The following WNK1 variants were observed in gnomAD, a reference collection of about 807,000 sequenced individuals.
The protein encoded by WNK1 is serine/threonine-protein kinase WNK1.
A neutral mutation model predicts 222.8 loss-of-function variants in WNK1; 38 were observed. The observed-to-expected ratio is 0.17, with a 90% CI of 0.13 to 0.22. The LOEUF (loss-of-function observed/expected upper bound fraction) is 0.22. WNK1 is among the 10% of genes least tolerant of loss of function. The probability of loss-of-function intolerance (pLI) is 1.00; values close to 1 mark genes in which losing one functional copy is unlikely to be tolerated. For synonymous variants in WNK1, 1,090 were observed against 1,092.9 expected (o/e 1.00, Z 0.05); for missense variants, 2,348 against 2,918.4 (o/e 0.80, Z 4.50).
chr12:883,349 T>C lies in WNK1; in HGVS notation c.3490-46T>C, dbSNP rs1412959126. 1.5e-5 allele frequency: 24 copies of C among 1,604,740 alleles called. No homozygotes were observed. In the Admixed American group the frequency reaches 3.7e-4, roughly 25 times the overall value. ...CAGAAGTCATAAAAGTGACATAAAG[T>C]TTGAGAAATGACACTAATTAGACTG... On this transcript the variant is annotated intron_variant, in intron 15 of 27. Transcript: ENST00000315939.
In WNK1 at chr12:805,341, T is replaced by C. The variant is rs193243375; in HGVS notation, c.760-8301T>C. Among the ~76,000 whole-genome samples the C allele has an allele frequency of 2.6e-5, 4 of 152,288 alleles. No homozygotes were observed. The East Asian group carries it at 7.7e-4, about 29-fold the overall frequency. ...AGGGGCGGGTAATAGCCATCCTGAT[T>C]GGTGTGAAGTGGTATCTTACTGCTA... is the stretch of plus-strand genomic sequence containing the variant. On this transcript the variant is annotated intron_variant, in intron 1 of 27. Coordinates refer to ENST00000315939, the MANE Select transcript of WNK1 (RefSeq NM_018979.4).
chr12:864,123 T>TTTC (rs1555136073), intron 8 of WNK1, among the ~76,000 whole-genome samples: 8 of 147,216 alleles, frequency 5.4e-5, no homozygotes, highest in African/African-American at 1.2e-4. Context: ...TTTTTTTTTT[T>TTTC]TTTTGACAGC....
chr12:812,532 A>G (rs1419491114), intron 1 of WNK1, among the ~76,000 whole-genome samples: 1 of 152,208 alleles, frequency 6.6e-6, no homozygotes, highest in Admixed American at 6.5e-5. Flanking sequence ...AGGCATGTAC[A>G]TAGTATCCAT....
At chr12:801,615 C>T (rs1224063960) in intron 1 of WNK1, among the ~76,000 whole-genome samples, 1 of 151,572 alleles carries the variant, frequency 6.6e-6, no homozygotes, top group South Asian at 2.1e-4. Context: ...GCTCTGTTGC[C>T]CAGGCTGGTC....
intron 4 of WNK1, among the ~76,000 whole-genome samples, chr12:847,873 C>G (rs1242498858): frequency 8.2e-6 from 1 of 122,356 alleles, no homozygotes; most frequent in Non-Finnish European, 1.6e-5. Context: ...GTGGCATGAT[C>G]TTGGCTCACT....
chr12:871,143 G>C, intron 8 of WNK1, 122 bp from the exon 9 acceptor site: 1 of 917,906 alleles, frequency 1.1e-6, no homozygotes, highest in Non-Finnish European at 1.8e-6. Context: ...TACATAATCA[G>C]GTTAATGTTT....
chr12:825,790 A>T (rs145176721), intron 2 of WNK1, among the ~76,000 whole-genome samples: 19 of 152,350 alleles, frequency 1.2e-4, no homozygotes, highest in African/African-American at 4.6e-4. Context: ...TATATATCAC[A>T]GTATTATAGA....
intron 11 of WNK1, 84 bp from the exon 12 acceptor site, chr12:880,637 T>A: frequency 5.7e-6 from 6 of 1,059,968 alleles, no homozygotes; most frequent in Non-Finnish European, 7.9e-6. Context: ...TGTGCTTCTT[T>A]TTTTTTTTTT....
Position 810,254 on chromosome 12 carries a change from A to G in WNK1, c.760-3388A>G, listed in dbSNP as rs1325095229. ...AGAGCAAGACTCCGTCTCAAAAAAA[A>G]AAAAGGTGAAATAGATGCCCATGTC... On this transcript the variant is annotated intron_variant, in intron 1 of 27. Coordinates refer to ENST00000315939, the MANE Select transcript of WNK1 (RefSeq NM_018979.4). Among the ~76,000 whole-genome samples, 6 of 152,112 alleles carry G rather than the reference A, an allele frequency of 3.9e-5. No homozygotes were observed. The South Asian group carries it at 1.2e-3, about 31-fold the overall frequency.
rs1193887255 is a variant in WNK1, at chr12:896,180, G to C, written c.5693G>C (p.Ser1898Thr). 2 of 1,614,194 alleles carry C rather than the reference G, an allele frequency of 1.2e-6. No homozygotes were observed. The highest frequency in any genetic ancestry group is 1.7e-5 in the Admixed American group (1 of 60,026). Residue 1898 changes from serine to threonine, a missense_variant, in exon 24 of 28, where the codon AGT (serine) becomes ACT (threonine). Coordinates refer to ENST00000315939, the MANE Select transcript of WNK1 (RefSeq NM_018979.4). ...TCAGAGTCCTCAGTGCTATCAAGTA[G>C]TAGTCCAGAGAGTACCTTGGTGAAA... ...STSESSVLSS[S>T]SPESTLVKPE...
intron 26 of WNK1, among the ~76,000 whole-genome samples, chr12:903,446 G>A (rs1425206184): frequency 6.6e-6 from 1 of 152,130 alleles, no homozygotes; most frequent in Non-Finnish European, 1.5e-5. Flanking sequence ...TGCAAGGGGG[G>A]TGTTTTTGAA....
At position 890,428 on chromosome 12, in the gene WNK1, GTGTC is replaced by G. The variant is rs763709950; in HGVS notation, c.5449-17_5449-14del. The G allele has an allele frequency of 5.0e-6, 8 of 1,614,104 alleles. No individual in the cohort carries two copies. In the East Asian group the frequency reaches 8.9e-5, roughly 18 times the overall value. ...GAGTGACTGAAGCTAAAGATTTGTG[GTGTC>G]TGTCTGTGTGTGTTTTACAGCCTGT... On this transcript the variant is annotated intron_variant, in intron 21 of 27. Transcript: ENST00000315939.
intron 8 of WNK1, among the ~76,000 whole-genome samples, chr12:865,875 A>G (rs1441248843): frequency 2.0e-5 from 3 of 152,048 alleles, no homozygotes; most frequent in Admixed American, 6.5e-5. Context: ...TTTATGTAAG[A>G]TGATGTATCA....
chr12:894,946 C>A (rs1954607433), intron 23 of WNK1, among the ~76,000 whole-genome samples: 1 of 152,128 alleles, frequency 6.6e-6, no homozygotes, highest in Non-Finnish European at 1.5e-5. Context: ...AATTAACTAC[C>A]ATTTCTCCTG....
At chr12:887,628 G>A (rs557358287) in intron 20 of WNK1, among the ~76,000 whole-genome samples, 49 of 152,174 alleles carry the variant, frequency 3.2e-4, no homozygotes, top group African/African-American at 1.1e-3. Flanking sequence ...GTAGAATAGC[G>A]AAATTGCGTA....
chr12:877,381 TAGAC>T (rs1482611488), intron 9 of WNK1, among the ~76,000 whole-genome samples: 1 of 152,192 alleles, frequency 6.6e-6, no homozygotes, highest in African/African-American at 2.4e-5. Context: ...TTTTATTTGT[TAGAC>T]AGAAGGGGCA....
chr12:897,683 TA>T lies in WNK1; in HGVS notation c.6448+7del. ...GGAATAAAAGCCCCCAGCTTTCAGG[TA>T]AAAAGCCCTGGACTAGGTCAGCCAC... On this transcript the variant is annotated splice_donor_region_variant and intron_variant, in intron 25 of 27. Transcript: ENST00000315939. The T allele has an allele frequency of 6.2e-7, 1 of 1,614,108 alleles. No individual in the cohort carries two copies. Among genetic ancestry groups the T allele is most frequent in the Non-Finnish European group, 8.5e-7 (1 of 1,180,000 alleles).
At chr12:897,741 T>C (rs1954873194) in intron 25 of WNK1, 60 bp downstream of exon 25, 2 of 1,535,538 alleles carry the variant, frequency 1.3e-6, no homozygotes, top group Non-Finnish European at 1.8e-6. Flanking sequence ...TGTCTCCAGC[T>C]GTATGTGACC....
Position 908,629 on chromosome 12 carries a change from C to T in WNK1, c.6986C>T (p.Pro2329Leu), listed in dbSNP as rs781574573. 8.1e-6 allele frequency: 13 copies of T among 1,614,088 alleles called. No individual in the cohort carries two copies. The highest frequency in any genetic ancestry group is 1.1e-5 in the Non-Finnish European group (13 of 1,180,054). Reference sequence around the variant, plus strand: ...TGCCCCCCACAGCAGTATGGCTTTCCAGCTACCCCATTTGGCGCTCAATGG... The same window carrying T: ...TGCCCCCCACAGCAGTATGGCTTTCTAGCTACCCCATTTGGCGCTCAATGG... ...SMCPPQQYGFPATPFGAQWSG... is the reference protein window; with the variant it reads ...SMCPPQQYGFLATPFGAQWSG... The change falls in exon 28 of 28, where the codon CCA (proline) becomes CTA (leucine). Residue 2329 changes from proline (P) to leucine (L), a missense_variant. Transcript: ENST00000315939.
Sources: gnomAD v4.1 joint callset for allele counts (sites outside exome capture counted in the v4.1 genomes callset) on GRCh38, gnomAD v4.1.1 for gene constraint, MANE v1.5 for transcripts, NCBI Gene and HGNC (gene_info 2026-07-23, HGNC 2026-07-21) for gene names.